The following ECT2L variants were observed in gnomAD, a reference collection of about 807,000 sequenced individuals.
ECT2L encodes epithelial cell transforming 2 like.
Under a neutral mutation model 122.8 loss-of-function variants are expected in ECT2L, and 126 were observed. The observed-to-expected ratio is 1.03, with a 90% CI of 0.89 to 1.19. The LOEUF is 1.19. Ranked by LOEUF, ECT2L falls within the 50% of genes most tolerant of loss-of-function variation. The pLI is 0.00. For missense variants in ECT2L, 1,012 were observed against 1,064.1 expected, an observed-to-expected ratio of 0.95 and a Z score of 0.68; for synonymous variants, 385 against 381.8, an observed-to-expected ratio of 1.01 and a Z score of -0.10.
In ECT2L at chr6:138,838,508, T is replaced by C. The variant is rs749553023; in HGVS notation, c.336T>C (p.Thr112=). ...AQVSWPWKFL[T]EQDCLWMPKC... Reference sequence around the variant, plus strand: ...TCAGCTGGCCCTGGAAGTTTTTAACTGAACAGGTTTACTATTTGCCACTTC... The same window carrying C: ...TCAGCTGGCCCTGGAAGTTTTTAACCGAACAGGTTTACTATTTGCCACTTC... Residue 112 remains threonine (T), a synonymous_variant, in exon 5 of 22, where the codon ACT becomes ACC. Coordinates refer to ENST00000541398, the MANE Select transcript of ECT2L (RefSeq NM_001077706.3). 1 of 1,611,270 alleles carries C rather than the reference T, an allele frequency of 6.2e-7. No homozygotes were observed. Among genetic ancestry groups the C allele is most frequent in the South Asian group, 1.1e-5 (1 of 90,512 alleles).
At chr6:138,825,537 C>T (rs368532836) in intron 4 of ECT2L, among the ~76,000 whole-genome samples, 3 of 152,010 alleles carry the variant, frequency 2.0e-5, no homozygotes, top group African/African-American at 4.8e-5. Context: ...GAGCTGAGAT[C>T]GTGCAATTGC....
chr6:138,801,016 A>G (rs1775524877), intron 1 of ECT2L, among the ~76,000 whole-genome samples: 1 of 152,136 alleles, frequency 6.6e-6, no homozygotes, highest in African/African-American at 2.4e-5. Flanking sequence ...TGCTGTGTGA[A>G]GCCTTGTAAG....
At chr6:138,878,006 A>G (rs1429384365) in intron 14 of ECT2L, among the ~76,000 whole-genome samples, 1 of 152,242 alleles carries the variant, frequency 6.6e-6, no homozygotes, top group Non-Finnish European at 1.5e-5. Flanking sequence ...TTTTTACATT[A>G]TAATTCCAGT....
intron 6 of ECT2L, 122 bp from the exon 7 acceptor site, chr6:138,844,290 G>T: frequency 8.6e-7 from 1 of 1,157,948 alleles, no homozygotes; most frequent in Non-Finnish European, 1.2e-6. Context: ...GAAAATGGCT[G>T]TAATTATTGT....
chr6:138,842,899 G>T, intron 5 of ECT2L, 80 bp from the exon 6 acceptor site: 1 of 1,297,788 alleles, frequency 7.7e-7, no homozygotes, highest in Non-Finnish European at 1.0e-6. Flanking sequence ...TAATGAAAAA[G>T]TATCTGTGTA....
chr6:138,835,641 G>A (rs932207966), intron 4 of ECT2L, among the ~76,000 whole-genome samples: 2 of 151,702 alleles, frequency 1.3e-5, no homozygotes, highest in South Asian at 4.2e-4. Context: ...AGTAAATTAC[G>A]AACATGATGC....
chr6:138,881,137 T>C lies in ECT2L; in HGVS notation c.1846T>C (p.Phe616Leu). The C allele has an allele frequency of 6.2e-7, 1 of 1,614,160 alleles. No individual in the cohort carries two copies. Among genetic ancestry groups the C allele is most frequent in the Non-Finnish European group, 8.5e-7 (1 of 1,180,000 alleles). Residue 616 changes from phenylalanine (F) to leucine (L), a missense_variant, in exon 15 of 22, where the codon TTC (phenylalanine) becomes CTC (leucine). Physicochemically the swap from Phe to Leu is conservative, Grantham distance 22. Transcript: ENST00000541398. ...GAGTGCTGCCAATATCCAGATCATT[T>C]TCTGTGACATTCTACAGATTTTAAG... ...ILSAANIQII[F>L]CDILQILSLN...
chr6:138,834,931 A>ACTCT (rs879771435), intron 4 of ECT2L, among the ~76,000 whole-genome samples: 24 of 90,952 alleles, frequency 2.6e-4, no homozygotes, highest in South Asian at 1.0e-3. Context: ...ACACACACAC[A>ACTCT]CACACTCTCA....
In ECT2L at chr6:138,799,294, C is replaced by T. The variant is rs545568946; in HGVS notation, c.-244+3102C>T. On this transcript the variant is annotated intron_variant, in intron 1 of 21. Coordinates refer to ENST00000541398, the MANE Select transcript of ECT2L (RefSeq NM_001077706.3). ...TTTGAGACGGAGTCTCGCTCTGTCA[C>T]CCAGGCTGGAGTGCAGTGGCACGAT... is the stretch of plus-strand genomic sequence containing the variant. Among the ~76,000 whole-genome samples the T allele has an allele frequency of 1.2e-4, 19 of 152,042 alleles. No individual in the cohort carries two copies. The South Asian group carries it at 3.9e-3, about 32-fold the overall frequency.
chr6:138,824,773 T>TGTCAC (rs1776385733), intron 4 of ECT2L, among the ~76,000 whole-genome samples: 1 of 152,102 alleles, frequency 6.6e-6, no homozygotes, highest in Non-Finnish European at 1.5e-5. Flanking sequence ...ACCCCAGACA[T>TGTCAC]GTCACTCTAA....
intron 10 of ECT2L, among the ~76,000 whole-genome samples, chr6:138,860,899 C>T (rs1271591013): frequency 6.6e-6 from 1 of 151,982 alleles, no homozygotes; most frequent in Non-Finnish European, 1.5e-5. Context: ...CCCTGACAGG[C>T]CCCAGTGTGT....
chr6:138,880,855 T>C, intron 14 of ECT2L, 102 bp from the exon 15 acceptor site: 1 of 985,774 alleles, frequency 1.0e-6, no homozygotes, highest in South Asian at 1.5e-5. Flanking sequence ...CCCTTCAACC[T>C]GAACAGCACA....
chr6:138,822,909 G>A, intron 4 of ECT2L: 1 of 1,613,780 alleles, frequency 6.2e-7, no homozygotes, highest in Non-Finnish European at 8.5e-7. Context: ...TTTCGTCATT[G>A]GACTTGCAGG....
Position 138,900,993 on chromosome 6 carries a change from T to A in ECT2L, c.2460T>A (p.Asp820Glu). The A allele has an allele frequency of 6.2e-7, 1 of 1,614,228 alleles. No individual in the cohort carries two copies. Among genetic ancestry groups the A allele is most frequent in the Non-Finnish European group, 8.5e-7 (1 of 1,180,034 alleles). ...ATCTCAGCCTTTTCCTCTTCAATGA[T>A]GCCCTGCTCGTTTCTAGTCGGGGCA... ...IHDLSLFLFN[D>E]ALLVSSRGTS... The change falls in exon 21 of 22, where the codon GAT becomes GAA. Residue 820 changes from aspartate (D) to glutamate (E), a missense_variant. Coordinates refer to ENST00000541398, the MANE Select transcript of ECT2L (RefSeq NM_001077706.3).
chr6:138,888,579 G>C (rs1056847155), intron 19 of ECT2L, among the ~76,000 whole-genome samples: 6 of 152,044 alleles, frequency 3.9e-5, no homozygotes, highest in Non-Finnish European at 8.8e-5. Flanking sequence ...CTTCCAAAGT[G>C]CTGGGATTAC....
chr6:138,874,228 T>C (rs1470402567), intron 13 of ECT2L, among the ~76,000 whole-genome samples: 1 of 149,786 alleles, frequency 6.7e-6, no homozygotes, highest in African/African-American at 2.5e-5. Flanking sequence ...CTTTGTGAGC[T>C]TTTTTTTAAT....
chr6:138,807,283 T>C (rs1191476413), intron 1 of ECT2L, among the ~76,000 whole-genome samples: 4 of 152,156 alleles, frequency 2.6e-5, no homozygotes, highest in Non-Finnish European at 5.9e-5. Context: ...CTAGATATTC[T>C]TTATCACTAA....
At chr6:138,889,960 C>CTT (rs1210136697) in intron 20 of ECT2L, among the ~76,000 whole-genome samples, 3 of 152,138 alleles carry the variant, frequency 2.0e-5, no homozygotes, top group African/African-American at 7.2e-5. Flanking sequence ...AAAAGCAGCT[C>CTT]TATCAATGAC....
chr6:138,806,560 T>TG (rs1338402980), intron 1 of ECT2L, among the ~76,000 whole-genome samples: 2 of 119,168 alleles, frequency 1.7e-5, no homozygotes, highest in African/African-American at 6.7e-5. Context: ...TCCCCCAGGC[T>TG]GGAGTGCAGT....
Sources: allele counts gnomAD v4.1 joint callset (sites outside exome capture counted in the v4.1 genomes callset), GRCh38; gene constraint gnomAD v4.1.1; transcripts MANE v1.5; gene names NCBI Gene and HGNC (gene_info 2026-07-23, HGNC 2026-07-21).